Variants in UNC5A observed in about 807,000 individuals in gnomAD.
The protein encoded by UNC5A is unc-5 netrin receptor A.
A neutral mutation model predicts 87.4 loss-of-function variants in UNC5A; 20 were observed. That is an observed-to-expected ratio of 0.23 (90% CI 0.16 to 0.33). The LOEUF (loss-of-function observed/expected upper bound fraction) is 0.33. Among genes scored for constraint, UNC5A ranks in the 10% least tolerant of loss-of-function variants. The probability of loss-of-function intolerance (pLI) is 1.00; values close to 1 mark genes in which losing one functional copy is unlikely to be tolerated. For missense variants in UNC5A, 844 were observed against 1,133.4 expected (o/e 0.74, Z 3.67); for synonymous variants, 438 against 482.3 (o/e 0.91, Z 1.20).
At chr5:176,856,820 G>T (rs1170664076) in intron 1 of UNC5A, among the ~76,000 whole-genome samples, 1 of 151,740 alleles carries the variant, frequency 6.6e-6, no homozygotes, top group Non-Finnish European at 1.5e-5. Context: ...CCCTGCACAT[G>T]ACCCCCAAGG....
In UNC5A at chr5:176,847,588, C is replaced by T. The variant is rs181484194; in HGVS notation, c.71-15036C>T. Among the ~76,000 whole-genome samples, 9 of 152,260 alleles carry T rather than the reference C, an allele frequency of 5.9e-5. No homozygotes were observed. In the South Asian group the frequency reaches 8.3e-4, roughly 14 times the overall value. The stretch of plus-strand genomic sequence containing the variant: ...TATAATTTATATCCACTGGTAGCCT[C>T]TCTCACTCCCAATTACCCGTTTAGC... On this transcript the variant is annotated intron_variant, in intron 1 of 14. Coordinates refer to ENST00000329542, the MANE Select transcript of UNC5A (RefSeq NM_133369.3).
intron 1 of UNC5A, among the ~76,000 whole-genome samples, chr5:176,823,037 G>A (rs1185329934): frequency 1.3e-5 from 2 of 152,086 alleles, no homozygotes; most frequent in African/African-American, 4.8e-5. Context: ...GAGACCAGCC[G>A]GGAGGCTGCC....
At chr5:176,873,051 G>C (rs572503699) in intron 6 of UNC5A, among the ~76,000 whole-genome samples, 1 of 85,156 alleles carries the variant, frequency 1.2e-5, no homozygotes, top group African/African-American at 4.8e-5. Context: ...CTTCCCATCT[G>C]CCCACACTCA....
chr5:176,815,466 C>T lies in UNC5A; in HGVS notation c.70+4646C>T, dbSNP rs113980044. Among the ~76,000 whole-genome samples, 426 of 152,354 alleles carry T rather than the reference C, an allele frequency of 2.8e-3. 6 individuals carry two copies. Among genetic ancestry groups the T allele is most frequent in the African/African-American group, 9.6e-3 (401 of 41,578 alleles). ...CAGGGTCAACTTCCAACCCAAGCCTCGTGTCCTTGGACAAGCAACTTGCAG... is the reference window on the plus strand; with the variant it reads ...CAGGGTCAACTTCCAACCCAAGCCTTGTGTCCTTGGACAAGCAACTTGCAG... On this transcript the variant is annotated intron_variant, in intron 1 of 14. Coordinates refer to ENST00000329542, the MANE Select transcript of UNC5A (RefSeq NM_133369.3).
At position 176,862,837 on chromosome 5, in the gene UNC5A, G is replaced by A; in HGVS notation, c.284G>A (p.Gly95Glu). ...VDHVIERSTD[G>E]SSGLPTMEVR... is the part of the protein sequence containing the mutation. The stretch of plus-strand genomic sequence containing the variant: ...CACGTGATCGAGCGCAGCACAGACG[G>A]GAGCAGTGGTGAGCCGCATGGGGCG... Residue 95 changes from glycine (G) to glutamate (E), a missense_variant, in exon 2 of 15, where the codon GGG (glycine) becomes GAG (glutamate). Gly to Glu is a moderately conservative substitution (Grantham distance 98). Transcript: ENST00000329542. The A allele has an allele frequency of 6.2e-7, 1 of 1,612,926 alleles. No individual in the cohort carries two copies. The highest frequency in any genetic ancestry group is 8.5e-7 in the Non-Finnish European group (1 of 1,179,814).
intron 1 of UNC5A, among the ~76,000 whole-genome samples, chr5:176,843,175 AG>A (rs1561650864): frequency 1.5e-5 from 2 of 136,022 alleles, no homozygotes; most frequent in Admixed American, 6.9e-5. Flanking sequence ...AAAAAAAAAA[AG>A]AAAGAAAGAA....
At position 176,862,751 on chromosome 5, in the gene UNC5A, G is replaced by A; in HGVS notation, c.198G>A (p.Lys66=). 1.2e-6 allele frequency: 2 copies of A among 1,613,654 alleles called. No individual in the cohort carries two copies. The highest frequency in any genetic ancestry group is 2.2e-5 in the South Asian group (2 of 91,080). Residue 66 remains lysine (K), a synonymous_variant, in exon 2 of 15, where the codon AAG becomes AAA. Transcript: ENST00000329542. ...ACAAGCCAGTGCTGCTTGTGTGCAA[G>A]GCCGTGCCCGCCACGCAGATCTTCT... ...VKNKPVLLVC[K]AVPATQIFFK...
At chr5:176,854,292 G>GTCTCTC (rs1216736012) in intron 1 of UNC5A, among the ~76,000 whole-genome samples, 1 of 131,684 alleles carries the variant, frequency 7.6e-6, no homozygotes, top group African/African-American at 3.8e-5. Context: ...CCCTGTCTCT[G>GTCTCTC]TCTCTCTCTG....
rs188946925 is a variant in UNC5A at position 176,813,999 on chromosome 5, G to A, written c.70+3179G>A. 5.8e-3 allele frequency among the ~76,000 whole-genome samples: 880 copies of A among 152,254 alleles called. 13 individuals are homozygous for A. The highest frequency in any genetic ancestry group is 0.026 in the South Asian group (125 of 4,824). On this transcript the variant is annotated intron_variant, in intron 1 of 14. Transcript: ENST00000329542. ...CCAGCCTGGGGCTGGAAGCCTTAGC[G>A]TCTCCCTTGCTTCTCCCTTCTCTCT...
intron 4 of UNC5A, 24 bp downstream of exon 4, chr5:176,868,688 G>A (rs771977648): frequency 6.9e-5 from 110 of 1,596,290 alleles, no homozygotes; most frequent in East Asian, 5.9e-4. Flanking sequence ...TAGTGCCCAC[G>A]TCTGGACCTG....
intron 1 of UNC5A, among the ~76,000 whole-genome samples, chr5:176,820,618 C>T (rs1035626400): frequency 3.3e-5 from 5 of 152,186 alleles, no homozygotes; most frequent in East Asian, 1.9e-4. Context: ...GCTGGTCTGG[C>T]GTGACTGGTC....
intron 1 of UNC5A, among the ~76,000 whole-genome samples, chr5:176,847,718 A>AT (rs1757447257): frequency 1.3e-5 from 2 of 151,872 alleles, no homozygotes; most frequent in South Asian, 4.2e-4. Flanking sequence ...CCCACAGTAT[A>AT]TTTTTATTAA....
intron 5 of UNC5A, among the ~76,000 whole-genome samples, chr5:176,870,167 C>T (rs1281627495): frequency 6.6e-6 from 1 of 152,186 alleles, no homozygotes; most frequent in Non-Finnish European, 1.5e-5. Flanking sequence ...GCGTCATCCG[C>T]GCCTCCCTGT....
At chr5:176,879,222 G>T (rs558200815) in intron 13 of UNC5A, 88 bp from the exon 14 acceptor site, 1 of 1,455,526 alleles carries the variant, frequency 6.9e-7, no homozygotes. Context: ...TGCTCTGGGG[G>T]AGTCTGGGAG....
intron 6 of UNC5A, 135 bp downstream of exon 6, chr5:176,870,669 C>A: frequency 2.0e-6 from 2 of 1,015,556 alleles, no homozygotes; most frequent in Non-Finnish European, 2.8e-6. Context: ...CCACTGAGAT[C>A]CCCCTCATCC....
In UNC5A at chr5:176,838,091, T is replaced by C. The variant is rs1757188979; in HGVS notation, c.71-24533T>C. Among the ~76,000 whole-genome samples the C allele has an allele frequency of 6.6e-6, 1 of 152,218 alleles. No homozygotes were observed. The highest frequency in any genetic ancestry group is 1.5e-5 in the Non-Finnish European group (1 of 68,034). ...TGGTGGGGACTCCCACCCCATAGGC[T>C]TCCGTTGAAATTCCCGGAACTCGTT... On this transcript the variant is annotated intron_variant, in intron 1 of 14. Transcript: ENST00000329542. The surrounding 1 kb of genome is among the most constrained non-coding windows in gnomAD (Gnocchi z 4.2).
chr5:176,855,149 C>T lies in UNC5A; in HGVS notation c.71-7475C>T, dbSNP rs140230992. ...GCTGGCAGGAGGAGCTGGCCTCTCCCTTGCACTGGTTGTCTCCACTCTTCA... is the reference window on the plus strand; with the variant it reads ...GCTGGCAGGAGGAGCTGGCCTCTCCTTTGCACTGGTTGTCTCCACTCTTCA... On this transcript the variant is annotated intron_variant, in intron 1 of 14. Transcript: ENST00000329542. 2.2e-3 allele frequency among the ~76,000 whole-genome samples: 337 copies of T among 152,374 alleles called. 1 individual carries two copies. Among genetic ancestry groups the T allele is most frequent in the African/African-American group, 7.7e-3 (320 of 41,588 alleles).
rs1001286406 is a variant in UNC5A at position 176,841,871 on chromosome 5, G to A, written c.71-20753G>A. Among the ~76,000 whole-genome samples, 10 of 152,290 alleles carry A rather than the reference G, an allele frequency of 6.6e-5. 1 individual carries two copies. The highest frequency in any genetic ancestry group is 6.2e-4 in the South Asian group (3 of 4,824). ...GAAATGCAAGTCAAAACCACAATGC[G>A]ATACCACCTTACTCCTGCAAGAATG... On this transcript the variant is annotated intron_variant, in intron 1 of 14. Transcript: ENST00000329542. The surrounding 1 kb of genome is among the most constrained non-coding windows in gnomAD (Gnocchi z 4.1).
At chr5:176,820,851 CTAGG>C (rs1188255248) in intron 1 of UNC5A, among the ~76,000 whole-genome samples, 2 of 152,200 alleles carry the variant, frequency 1.3e-5, no homozygotes, top group African/African-American at 2.4e-5. Context: ...CCCAGGTGAG[CTAGG>C]TAAGTATTTC....
Sources: allele counts gnomAD v4.1 joint callset (sites outside exome capture counted in the v4.1 genomes callset), GRCh38; gene constraint gnomAD v4.1.1; non-coding constraint Gnocchi (gnomAD v3.1); transcripts MANE v1.5; gene names NCBI Gene and HGNC (gene_info 2026-07-23, HGNC 2026-07-21).